LRCH1: variants seen among roughly 807,000 people sequenced by gnomAD.
LRCH1 encodes leucine-rich repeat and calponin homology domain-containing protein 1.
A neutral mutation model predicts 94.9 loss-of-function variants in LRCH1; 23 were observed. The observed-to-expected ratio is 0.24, with a 90% CI of 0.17 to 0.34. The LOEUF is 0.34. Ranked by LOEUF, LRCH1 falls within the 10% of genes least tolerant of loss-of-function variation. LRCH1 has a pLI of 1.00. For missense variants in LRCH1, 790 were observed against 945.9 expected, an observed-to-expected ratio of 0.84 and a Z score of 2.16; for synonymous variants, 364 against 354.9, an observed-to-expected ratio of 1.03 and a Z score of -0.29.
chr13:46,636,313 C>T (rs1215792571), intron 1 of LRCH1, among the ~76,000 whole-genome samples: 1 of 152,070 alleles, frequency 6.6e-6, no homozygotes, highest in Non-Finnish European at 1.5e-5. Context: ...CTCAAGTGAT[C>T]CACCTGCCTT....
At position 46,616,642 on chromosome 13, in the gene LRCH1, C is replaced by T. The variant is rs1386548644; in HGVS notation, c.308-33559C>T. On this transcript the variant is annotated intron_variant, in intron 1 of 19. Coordinates refer to ENST00000389797, the MANE Select transcript of LRCH1 (RefSeq NM_001164211.2). ...ACACCCCAGAATAAATCTCTTATTTCTGCATGAAGGCAACTGATCTGAAAC... is the reference window on the plus strand; with the variant it reads ...ACACCCCAGAATAAATCTCTTATTTTTGCATGAAGGCAACTGATCTGAAAC... Among the ~76,000 whole-genome samples the T allele has an allele frequency of 2.0e-5, 3 of 152,226 alleles. No homozygotes were observed. In the East Asian group the frequency reaches 5.8e-4, roughly 29 times the overall value.
At chr13:46,627,239 G>A (rs2050960788) in intron 1 of LRCH1, among the ~76,000 whole-genome samples, 1 of 152,200 alleles carries the variant, frequency 6.6e-6, no homozygotes, top group Non-Finnish European at 1.5e-5. Flanking sequence ...AGCCCCATAT[G>A]TTATTAAGCC....
chr13:46,744,672 C>G lies in LRCH1; in HGVS notation c.*2824C>G, dbSNP rs757255023. ...GCGCGTGGTGAGCTGGGTTATCTCT[C>G]GAAAACTCATGTAGATGCCTGATTG... On this transcript the variant is annotated 3_prime_UTR_variant, in exon 20 of 20. Coordinates refer to ENST00000389797, the MANE Select transcript of LRCH1 (RefSeq NM_001164211.2). 4 of 985,370 alleles carry G rather than the reference C, an allele frequency of 4.1e-6. No homozygotes were observed. The highest frequency in any genetic ancestry group is 3.6e-6 in the Non-Finnish European group (3 of 829,916). The allele number at this position is 985,370 out of a possible 1,614,324, so 61.0% of individuals were successfully genotyped here.
chr13:46,694,191 G>A (rs1003034722), intron 8 of LRCH1, among the ~76,000 whole-genome samples: 5 of 152,144 alleles, frequency 3.3e-5, no homozygotes, highest in Non-Finnish European at 5.9e-5. Flanking sequence ...TCCCCCTCTC[G>A]TCTAGATGTG....
intron 10 of LRCH1, among the ~76,000 whole-genome samples, chr13:46,700,056 C>T (rs943703819): frequency 1.3e-5 from 2 of 152,134 alleles, no homozygotes; most frequent in East Asian, 3.8e-4. Context: ...TCCTTCTACT[C>T]TATTGTGTAT....
rs755261019 is a variant in LRCH1, at chr13:46,711,801, A to T, written c.1538A>T (p.Asp513Val). The T allele has an allele frequency of 6.2e-7, 1 of 1,613,146 alleles. No individual in the cohort carries two copies. The change falls in exon 14 of 20, where the codon GAT becomes GTT. Residue 513 changes from aspartate to valine, a missense_variant. By Grantham distance (152) the Asp-to-Val change is radical (BLOSUM62 -3). Transcript: ENST00000389797. ...TTCTTCTTTTTTAAGGTGCAAAGTG[A>T]TCTAACATTACAGAGTAACGGGAGC... ...ETSPVCEVQSDLTLQSNGSQY... is the reference protein window; with the variant it reads ...ETSPVCEVQSVLTLQSNGSQY...
intron 19 of LRCH1, among the ~76,000 whole-genome samples, chr13:46,738,110 T>G (rs1011465780): frequency 6.6e-6 from 1 of 152,212 alleles, no homozygotes; most frequent in Non-Finnish European, 1.5e-5. Context: ...TCATCTTCCT[T>G]ACTGTTTCCA....
At position 46,743,373 on chromosome 13, in the gene LRCH1, T is replaced by A. The variant is rs192516178; in HGVS notation, c.*1525T>A. 1.6e-5 allele frequency: 16 copies of A among 985,794 alleles called. No homozygotes were observed. The East Asian group carries it at 1.7e-3, about 105-fold the overall frequency. The allele number at this position is 985,794 out of a possible 1,614,324, so 61.1% of individuals were successfully genotyped here. A position where few individuals can be genotyped will look rare whatever the true frequency, so the allele number is the denominator to read the frequency against. ...CTTTACATGACAGTATCTTGAGTTA[T>A]GTGAGTTTTTTTTCCTCCTGACTTT... On this transcript the variant is annotated 3_prime_UTR_variant, in exon 20 of 20. Coordinates refer to ENST00000389797, the MANE Select transcript of LRCH1 (RefSeq NM_001164211.2).
At chr13:46,687,597 T>C (rs1870688404) in intron 5 of LRCH1, among the ~76,000 whole-genome samples, 1 of 152,230 alleles carries the variant, frequency 6.6e-6, no homozygotes, top group Admixed American at 6.5e-5. Context: ...TGAATACATT[T>C]TTGTTAGAGT....
chr13:46,598,609 A>C, intron 1 of LRCH1, among the ~76,000 whole-genome samples: 1 of 151,114 alleles, frequency 6.6e-6, no homozygotes, highest in African/African-American at 2.4e-5. Context: ...AAAAAAGAAC[A>C]CAAACAAAAT....
intron 10 of LRCH1, among the ~76,000 whole-genome samples, chr13:46,700,669 T>A (rs183149166): frequency 1.2e-4 from 18 of 152,200 alleles, no homozygotes; most frequent in African/African-American, 4.3e-4. Flanking sequence ...GCATCTAGAG[T>A]TTGGACTGAG....
chr13:46,588,749 C>T (rs939843263), intron 1 of LRCH1, among the ~76,000 whole-genome samples: 7 of 151,530 alleles, frequency 4.6e-5, no homozygotes, highest in African/African-American at 1.2e-4. Context: ...TACAGGCGCC[C>T]GCCACTACAT....
At chr13:46,749,829 G>A (rs2138263597), downstream of LRCH1, among the ~76,000 whole-genome samples, 1 of 152,278 alleles carries the variant, frequency 6.6e-6, no homozygotes, top group South Asian at 2.1e-4. Flanking sequence ...GGTTTGTGGA[G>A]CATGAAAGGT....
intron 2 of LRCH1, among the ~76,000 whole-genome samples, chr13:46,654,549 A>G (rs778601760): frequency 6.6e-6 from 1 of 152,222 alleles, no homozygotes; most frequent in Non-Finnish European, 1.5e-5. Flanking sequence ...TTTCTTCAGT[A>G]GTTATAAATG....
chr13:46,583,518 T>C (rs2050396358), intron 1 of LRCH1, among the ~76,000 whole-genome samples: 1 of 152,238 alleles, frequency 6.6e-6, no homozygotes, highest in South Asian at 2.1e-4. Context: ...TGTGAACATA[T>C]GGCTCCAAAG....
chr13:46,567,492 TTGTGTGTGTGTGTGTGTGTG>T (rs35848521), intron 1 of LRCH1, among the ~76,000 whole-genome samples: 4 of 141,866 alleles, frequency 2.8e-5, no homozygotes, highest in Non-Finnish European at 6.1e-5. Context: ...TAAGGCAATT[TTGTGTGTGTGTGTGTGTGTG>T]TGTGTGTGTG....
In LRCH1 at chr13:46,744,298, T is replaced by G; in HGVS notation, c.*2450T>G. ...TCTCCTCCTCACAAGAAAGACCGTTTTTTCAGTACTCCCTTCCAATGTTAG... is the reference window on the plus strand; with the variant it reads ...TCTCCTCCTCACAAGAAAGACCGTTGTTTCAGTACTCCCTTCCAATGTTAG... On this transcript the variant is annotated 3_prime_UTR_variant, in exon 20 of 20. Transcript: ENST00000389797. 1.0e-6 allele frequency: 1 copy of G among 985,264 alleles called. No homozygotes were observed. Among genetic ancestry groups the G allele is most frequent in the Non-Finnish European group, 1.2e-6 (1 of 829,920 alleles). The allele number at this position is 985,264 out of a possible 1,614,324, so 61.0% of individuals were successfully genotyped here.
At chr13:46,630,393 A>G (rs1051672886) in intron 1 of LRCH1, among the ~76,000 whole-genome samples, 1 of 152,238 alleles carries the variant, frequency 6.6e-6, no homozygotes, top group Non-Finnish European at 1.5e-5. Context: ...TTTCTCAGCA[A>G]ACTCAAAGAA....
intron 2 of LRCH1, among the ~76,000 whole-genome samples, chr13:46,661,184 G>A (rs748689518): frequency 2.6e-5 from 4 of 152,120 alleles, no homozygotes; most frequent in Non-Finnish European, 4.4e-5. Context: ...GTAGAGGGGA[G>A]ATCACAGAAT....
Sources: gnomAD v4.1 joint callset for allele counts (sites outside exome capture counted in the v4.1 genomes callset) on GRCh38, gnomAD v4.1.1 for gene constraint, MANE v1.5 for transcripts, NCBI Gene and HGNC (gene_info 2026-07-23, HGNC 2026-07-21) for gene names.